The following CFAP299 variants were observed in gnomAD, a reference collection of about 807,000 sequenced individuals.
CFAP299 encodes the protein cilia- and flagella-associated protein 299.
CFAP299 carries 21 observed loss-of-function variants against 27.0 expected under a neutral mutation model. That is an observed-to-expected ratio of 0.78 (90% CI 0.55 to 1.12). CFAP299 has a LOEUF of 1.12. CFAP299 is among the 50% of genes most tolerant of loss of function. CFAP299 has a pLI of 0.00. For synonymous variants in CFAP299, 104 were observed against 98.1 expected (o/e 1.06, Z -0.36); for missense variants, 310 against 276.6 (o/e 1.12, Z -0.86).
At chr4:80,695,146 A>G (rs1040967102) in intron 3 of CFAP299, among the ~76,000 whole-genome samples, 2 of 152,186 alleles carry the variant, frequency 1.3e-5, no homozygotes, top group South Asian at 2.1e-4. Context: ...TATTTATAGT[A>G]TTTCTATATT....
chr4:80,851,653 A>G (rs1731527799), intron 3 of CFAP299, among the ~76,000 whole-genome samples: 1 of 152,146 alleles, frequency 6.6e-6, no homozygotes, highest in African/African-American at 2.4e-5. Context: ...CAAAGCATCA[A>G]AACAATTGGA....
intron 2 of CFAP299, among the ~76,000 whole-genome samples, chr4:80,504,460 CACATATATATATATATATATAT>C (rs1560598270): frequency 2.3e-5 from 1 of 44,320 alleles, no homozygotes; most frequent in African/African-American, 7.2e-5. Flanking sequence ...CTTAAAATCT[CACATATATATATATATATATAT>C]ATATATATAT....
intron 3 of CFAP299, among the ~76,000 whole-genome samples, chr4:80,830,044 C>T (rs189598592): frequency 3.4e-4 from 52 of 152,070 alleles, no homozygotes; most frequent in Admixed American, 1.8e-3. Context: ...AATACCCATG[C>T]ACTTAAAAAT....
chr4:80,905,680 CCTT>C (rs1311717295), intron 4 of CFAP299, among the ~76,000 whole-genome samples: 2 of 152,212 alleles, frequency 1.3e-5, no homozygotes, highest in East Asian at 1.9e-4. Flanking sequence ...GCAAACATGT[CCTT>C]CTTCACATGG....
At chr4:80,918,978 G>C (rs560890570) in intron 4 of CFAP299, among the ~76,000 whole-genome samples, 1 of 152,208 alleles carries the variant, frequency 6.6e-6, no homozygotes, top group Non-Finnish European at 1.5e-5. Context: ...GCAGAAGCAA[G>C]AGCCCCTTTA....
chr4:80,675,505 TGAG>T (rs987650273), intron 3 of CFAP299, among the ~76,000 whole-genome samples: 3 of 152,220 alleles, frequency 2.0e-5, no homozygotes, highest in African/African-American at 7.2e-5. Context: ...GTGACCCACT[TGAG>T]GAGGCAGTCT....
chr4:80,810,598 G>A (rs1729100299), intron 3 of CFAP299, among the ~76,000 whole-genome samples: 1 of 151,904 alleles, frequency 6.6e-6, no homozygotes, highest in South Asian at 2.1e-4. Context: ...TATAAACCAA[G>A]GAACACCAAG....
intron 3 of CFAP299, among the ~76,000 whole-genome samples, chr4:80,807,217 G>A (rs553189339): frequency 1.1e-4 from 17 of 152,192 alleles, no homozygotes; most frequent in South Asian, 2.1e-4. Flanking sequence ...TAATAAGGGT[G>A]ATAAATACAG....
At chr4:80,456,324 T>C (rs1729153845) in intron 2 of CFAP299, among the ~76,000 whole-genome samples, 1 of 152,130 alleles carries the variant, frequency 6.6e-6, no homozygotes, top group Middle Eastern at 3.4e-3. Context: ...TGTCCAGATA[T>C]CTGATATAAA....
At chr4:80,420,712 G>GT (rs1172610633) in intron 2 of CFAP299, among the ~76,000 whole-genome samples, 1 of 152,110 alleles carries the variant, frequency 6.6e-6, no homozygotes, top group Non-Finnish European at 1.5e-5. Flanking sequence ...CCAGTCTGGA[G>GT]TTTGTCTGTT....
At chr4:80,756,560 A>T (rs985568988) in intron 3 of CFAP299, among the ~76,000 whole-genome samples, 1 of 151,060 alleles carries the variant, frequency 6.6e-6, no homozygotes, top group African/African-American at 2.4e-5. Flanking sequence ...TTTTAGTGTT[A>T]AAAAAAAACA....
chr4:80,742,491 G>T (rs1241924378), intron 3 of CFAP299, among the ~76,000 whole-genome samples: 1 of 152,096 alleles, frequency 6.6e-6, no homozygotes, highest in Admixed American at 6.6e-5. Context: ...TTATATTCCA[G>T]TAGTGAAAAT....
intron 3 of CFAP299, among the ~76,000 whole-genome samples, chr4:80,650,835 G>T (rs139124029): frequency 7.5e-4 from 114 of 151,972 alleles, no homozygotes; most frequent in Middle Eastern, 3.4e-3. Flanking sequence ...GCATAAGAAT[G>T]ACACAATGGA....
At chr4:80,368,460 GTTATCTCCTT>G (rs1394360657) in intron 2 of CFAP299, among the ~76,000 whole-genome samples, 1 of 152,068 alleles carries the variant, frequency 6.6e-6, no homozygotes, top group East Asian at 1.9e-4. Flanking sequence ...ATAATGTATA[GTTATCTCCTT>G]CAATTTGTTT....
chr4:80,575,777 T>C (rs537834428), intron 2 of CFAP299, among the ~76,000 whole-genome samples: 2 of 152,274 alleles, frequency 1.3e-5, no homozygotes, highest in East Asian at 3.9e-4. Flanking sequence ...CTTATAGCTA[T>C]AAACCTTTTT....
chr4:80,871,827 A>G (rs1733113026), intron 4 of CFAP299: 1 of 170,848 alleles, frequency 5.9e-6, no homozygotes, highest in Non-Finnish European at 1.2e-5. Context: ...GTCATCTAAT[A>G]CCTAGTTCAC....
At chr4:80,826,226 A>G (rs549088945) in intron 3 of CFAP299, among the ~76,000 whole-genome samples, 1 of 151,918 alleles carries the variant, frequency 6.6e-6, no homozygotes, top group East Asian at 1.9e-4. Flanking sequence ...TAGTTATGTA[A>G]TATACACAAG....
At chr4:80,572,895 G>A (rs1735665012) in intron 2 of CFAP299, among the ~76,000 whole-genome samples, 3 of 152,068 alleles carry the variant, frequency 2.0e-5, no homozygotes, top group Admixed American at 2.0e-4. Flanking sequence ...CACTTAAGTT[G>A]CTTACAAATC....
intron 2 of CFAP299, among the ~76,000 whole-genome samples, chr4:80,408,336 G>A (rs1726535755): frequency 6.6e-6 from 1 of 152,028 alleles, no homozygotes; most frequent in Non-Finnish European, 1.5e-5. Flanking sequence ...TTCTCATTGT[G>A]CTCTTGATTT....
Sources: gnomAD v4.1 joint callset for allele counts (sites outside exome capture counted in the v4.1 genomes callset) on GRCh38, gnomAD v4.1.1 for gene constraint, MANE v1.5 for transcripts, NCBI Gene and HGNC (gene_info 2026-07-23, HGNC 2026-07-21) for gene names.